STK3: variants seen among roughly 807,000 people sequenced by gnomAD.
The protein encoded by STK3 is serine/threonine-protein kinase 3.
In STK3, 41 loss-of-function variants were observed where a neutral mutation model predicts 58.0. That is an observed-to-expected ratio of 0.71 (90% confidence interval 0.55 to 0.92). The LOEUF (loss-of-function observed/expected upper bound fraction) is 0.92. Ranked by LOEUF, STK3 falls within the 40% of genes least tolerant of loss-of-function variation. STK3 has a pLI of 0.00. For synonymous variants in STK3, 170 were observed against 191.0 expected (o/e 0.89, Z 0.91); for missense variants, 479 against 602.7 (o/e 0.79, Z 2.15).
intron 1 of STK3, among the ~76,000 whole-genome samples, chr8:98,892,947 G>A (rs1257199777): frequency 1.3e-5 from 2 of 152,130 alleles, no homozygotes; most frequent in Non-Finnish European, 2.9e-5. Flanking sequence ...ATATATTTGA[G>A]ACGGTTAATG....
At chr8:98,432,186 T>C (rs73273961) in intron 3 of STK3, 2,909 of 167,058 alleles carry the variant, frequency 0.017, 80 homozygotes, top group African/African-American at 0.06. Context: ...GTCAGGTTAA[T>C]TTTCTGTAAA....
intron 1 of STK3, among the ~76,000 whole-genome samples, chr8:98,778,385 T>G (rs1217385155): frequency 1.3e-5 from 2 of 151,500 alleles, no homozygotes; most frequent in African/African-American, 4.8e-5. Context: ...AAACAACAGG[T>G]GCTGGAGAGG....
At chr8:98,426,225 G>A (rs1818230783) in intron 3 of STK3, among the ~76,000 whole-genome samples, 2 of 152,146 alleles carry the variant, frequency 1.3e-5, no homozygotes, top group African/African-American at 4.8e-5. Flanking sequence ...ACTGTACACA[G>A]CACATGTACA....
At chr8:98,462,220 C>T (rs1389544046) in intron 10 of STK3, among the ~76,000 whole-genome samples, 1 of 152,100 alleles carries the variant, frequency 6.6e-6, no homozygotes, top group East Asian at 1.9e-4. Flanking sequence ...AGAGTCTACT[C>T]TGTCACGCAA....
At chr8:98,710,367 G>T (rs571760818) in intron 4 of STK3, among the ~76,000 whole-genome samples, 2 of 152,188 alleles carry the variant, frequency 1.3e-5, no homozygotes, top group Non-Finnish European at 2.9e-5. Context: ...GGAAGTGCAA[G>T]GGGTCAGGGA....
At chr8:98,807,544 C>T (rs752359085) in intron 1 of STK3, among the ~76,000 whole-genome samples, 18 of 152,102 alleles carry the variant, frequency 1.2e-4, no homozygotes, top group Non-Finnish European at 2.6e-4. Context: ...AGGTGTGAGC[C>T]ACTGTACCCG....
chr8:98,941,809 C>A (rs1840443890), intron 1 of STK3, among the ~76,000 whole-genome samples: 1 of 152,230 alleles, frequency 6.6e-6, no homozygotes, highest in African/African-American at 2.4e-5. Context: ...GCGCGCCCCT[C>A]GTCAGTTAGC....
At chr8:98,738,808 C>A (rs1392749184) in intron 4 of STK3, among the ~76,000 whole-genome samples, 1 of 152,166 alleles carries the variant, frequency 6.6e-6, no homozygotes, top group African/African-American at 2.4e-5. Context: ...TCGGGAAGCG[C>A]AAGGGGTTCA....
chr8:98,838,395 A>G (rs369013553), intron 3 of STK3, among the ~76,000 whole-genome samples: 190 of 152,344 alleles, frequency 1.2e-3, no homozygotes, highest in African/African-American at 4.3e-3. Context: ...TCTTGACTGA[A>G]CTAAGCAGAA....
intron 4 of STK3, among the ~76,000 whole-genome samples, chr8:98,740,141 G>T (rs146570205): frequency 0.033 from 4,963 of 152,306 alleles, 111 homozygotes; most frequent in Non-Finnish European, 0.047. Flanking sequence ...AAGTGACGGG[G>T]AGAATGGAAC....
At chr8:98,898,495 A>G (rs575190510) in intron 1 of STK3, among the ~76,000 whole-genome samples, 1 of 152,322 alleles carries the variant, frequency 6.6e-6, no homozygotes. Flanking sequence ...CATTCTCAGA[A>G]AAGGGGGCTG....
chr8:98,912,136 T>C (rs1393663852), intron 1 of STK3, among the ~76,000 whole-genome samples: 8 of 152,160 alleles, frequency 5.3e-5, no homozygotes, highest in Admixed American at 5.2e-4. Flanking sequence ...TCCAGAACTT[T>C]AGGAGGCAGA....
intron 1 of STK3, among the ~76,000 whole-genome samples, chr8:98,815,471 A>G (rs945694022): frequency 1.3e-5 from 2 of 152,234 alleles, no homozygotes; most frequent in African/African-American, 4.8e-5. Context: ...ATGATTCCAG[A>G]TCTAGGACAA....
At chr8:98,543,809 A>AG (rs1810479662) in intron 9 of STK3, among the ~76,000 whole-genome samples, 1 of 152,172 alleles carries the variant, frequency 6.6e-6, no homozygotes, top group Non-Finnish European at 1.5e-5. Context: ...ATGGGGGAGA[A>AG]GGTCTTGATC....
At chr8:98,780,852 A>G (rs576437018) in intron 1 of STK3, among the ~76,000 whole-genome samples, 1 of 152,228 alleles carries the variant, frequency 6.6e-6, no homozygotes. Flanking sequence ...CTAAGAAAAA[A>G]TAAGAGTCAA....
intron 3 of STK3, among the ~76,000 whole-genome samples, chr8:98,877,583 A>T (rs1422101951): frequency 5.9e-5 from 9 of 152,110 alleles, no homozygotes. Context: ...TCCCGGGTTC[A>T]AGCGATTCTC....
chr8:98,410,462 A>G (rs1818042421), intron 3 of STK3, among the ~76,000 whole-genome samples: 1 of 152,228 alleles, frequency 6.6e-6, no homozygotes. Flanking sequence ...ACCTTAACGA[A>G]TATTTGTTGA....
At chr8:98,535,289 T>C (rs997701888) in intron 9 of STK3, among the ~76,000 whole-genome samples, 3 of 152,142 alleles carry the variant, frequency 2.0e-5, no homozygotes, top group Admixed American at 6.5e-5. Flanking sequence ...GTAAATTTAG[T>C]ATTTGTAGGT....
intron 7 of STK3, among the ~76,000 whole-genome samples, chr8:98,581,007 G>C (rs1165503134): frequency 6.6e-6 from 1 of 152,128 alleles, no homozygotes; most frequent in Non-Finnish European, 1.5e-5. Flanking sequence ...AACAAATTAA[G>C]TCCTATTAAC....
Sources: allele counts gnomAD v4.1 joint callset (sites outside exome capture counted in the v4.1 genomes callset), GRCh38; gene constraint gnomAD v4.1.1; transcripts MANE v1.5; gene names NCBI Gene and HGNC (gene_info 2026-07-23, HGNC 2026-07-21).